Variants in KDR observed in about 807,000 individuals in gnomAD.
KDR encodes vascular endothelial growth factor receptor 2.
In KDR, 43 loss-of-function variants were observed where a neutral mutation model predicts 160.9. That is an observed-to-expected ratio of 0.27 (90% confidence interval 0.21 to 0.34). KDR has a LOEUF of 0.34. Among genes scored for constraint, KDR ranks in the 10% least tolerant of loss-of-function variants. The pLI, the probability that KDR is intolerant of heterozygous loss-of-function variation, is 1.00. For synonymous variants in KDR, 617 were observed against 600.1 expected, an observed-to-expected ratio of 1.03 and a Z score of -0.41; for missense variants, 1,469 against 1,666.4, an observed-to-expected ratio of 0.88 and a Z score of 2.06.
intron 27 of KDR, 72 bp downstream of exon 27, chr4:55,087,535 C>T (rs528559143): frequency 2.1e-6 from 3 of 1,407,126 alleles, no homozygotes; most frequent in South Asian, 2.4e-5. Context: ...GTCTTCCTTC[C>T]ACTTCCAATC....
chr4:55,099,796 T>C (rs1461234164), intron 15 of KDR, among the ~76,000 whole-genome samples: 1 of 152,142 alleles, frequency 6.6e-6, no homozygotes, highest in African/African-American at 2.4e-5. Context: ...AGTCAAGAGA[T>C]AAAGAGGCCT....
chr4:55,089,448 CT>C lies in KDR; in HGVS notation c.3329del (p.Lys1110ArgfsTer10). 6.2e-7 allele frequency: 1 copy of C among 1,613,024 alleles called. No homozygotes were observed. Among genetic ancestry groups the C allele is most frequent in the Non-Finnish European group, 8.5e-7 (1 of 1,179,276 alleles). ...SLGASPYPGVKIDEEFCRRLK... is the reference protein window; with the variant it reads ...SLGASPYPGVXIDEEFCRRLK... ...ATCGCCTACAAAATTCTTCATCAAT[CT>C]TTACCCCAGGATATGGAGAAGCACC... On this transcript the variant is annotated frameshift_variant, in exon 25 of 30. Transcript: ENST00000263923. LOFTEE classifies it high-confidence loss of function.
intron 2 of KDR, 32 bp from the exon 3 acceptor site, chr4:55,118,832 T>C: frequency 6.4e-7 from 1 of 1,564,422 alleles, no homozygotes; most frequent in South Asian, 1.1e-5. Context: ...GGTATTAATA[T>C]GAAGTGCCAG....
At chr4:55,098,439 C>A (rs1395003042) in intron 16 of KDR, among the ~76,000 whole-genome samples, 167 bp from the exon 17 acceptor site, 1 of 152,078 alleles carries the variant, frequency 6.6e-6, no homozygotes, top group Non-Finnish European at 1.5e-5. Context: ...TTCCCTTGTC[C>A]CCCAAAGGAG....
chr4:55,117,452 G>A (rs541272747), intron 3 of KDR, among the ~76,000 whole-genome samples: 8 of 152,314 alleles, frequency 5.3e-5, no homozygotes, highest in African/African-American at 1.9e-4. Flanking sequence ...ATCTTGTGGA[G>A]GGAAGGAGGA....
chr4:55,091,239 C>T (rs992279012), intron 22 of KDR, among the ~76,000 whole-genome samples: 25 of 152,178 alleles, frequency 1.6e-4, no homozygotes, highest in African/African-American at 5.1e-4. Context: ...GTATGGCACT[C>T]TCCTCTGAAC....
At chr4:55,083,791 G>A (rs1719793485) in intron 27 of KDR, among the ~76,000 whole-genome samples, 1 of 152,198 alleles carries the variant, frequency 6.6e-6, no homozygotes, top group South Asian at 2.1e-4. Flanking sequence ...TACCCCAAGA[G>A]GCTGGTTCCT....
At chr4:55,098,826 G>C (rs2110018334) in intron 15 of KDR, 23 bp from the exon 16 acceptor site, 1 of 1,510,892 alleles carries the variant, frequency 6.6e-7, no homozygotes, top group Non-Finnish European at 9.2e-7. Flanking sequence ...AATTGAATGA[G>C]TATCAACAGT....
chr4:55,106,116 C>T (rs994942662), intron 11 of KDR, among the ~76,000 whole-genome samples, 176 bp from the exon 12 acceptor site: 1 of 152,060 alleles, frequency 6.6e-6, no homozygotes, highest in African/African-American at 2.4e-5. Flanking sequence ...ACTCAAAACG[C>T]TTGGGACCAA....
At chr4:55,092,507 A>C in intron 22 of KDR, 110 bp downstream of exon 22, 1 of 795,302 alleles carries the variant, frequency 1.3e-6, no homozygotes. Flanking sequence ...AAGACGTAGA[A>C]GTGGTGAATG....
In KDR at chr4:55,116,220, C is replaced by G. The variant is rs1002103920; in HGVS notation, c.359-809G>C. 3.3e-5 allele frequency among the ~76,000 whole-genome samples: 5 copies of G among 152,106 alleles called. No individual in the cohort carries two copies. In the East Asian group the frequency reaches 9.7e-4, roughly 29 times the overall value. ...TCACTTGAGGTCAGGAGTTTGAGAC[C>G]AGCCTGACCAACGTGGCAAAACCCC... On this transcript the variant is annotated intron_variant, in intron 3 of 29. Coordinates refer to ENST00000263923, the MANE Select transcript of KDR (RefSeq NM_002253.4).
At chr4:55,111,967 T>TA (rs1720595766) in intron 7 of KDR, among the ~76,000 whole-genome samples, 1 of 152,254 alleles carries the variant, frequency 6.6e-6, no homozygotes, top group South Asian at 2.1e-4. Context: ...AAGGTATTTT[T>TA]AAAATTTCAC....
At chr4:55,115,192 C>T in intron 4 of KDR, 89 bp downstream of exon 4, 1 of 1,303,906 alleles carries the variant, frequency 7.7e-7, no homozygotes, top group Non-Finnish European at 1.1e-6. Flanking sequence ...CCTTAAAACT[C>T]ATTGTGAATA....
intron 19 of KDR, 88 bp from the exon 20 acceptor site, chr4:55,095,753 T>C (rs1340384306): frequency 6.7e-6 from 6 of 895,878 alleles, no homozygotes; most frequent in Non-Finnish European, 3.7e-6. Context: ...CAAAAACACC[T>C]TAGAAGAAGG....
At chr4:55,098,587 G>A (rs1051544964) in intron 16 of KDR, 110 bp downstream of exon 16, 12 of 833,410 alleles carry the variant, frequency 1.4e-5, no homozygotes, top group African/African-American at 6.7e-5. Flanking sequence ...AAATAAAAAT[G>A]TGCCCATTGA....
intron 14 of KDR, 118 bp from the exon 15 acceptor site, chr4:55,102,146 A>T: frequency 6.9e-7 from 1 of 1,456,796 alleles, no homozygotes; most frequent in Non-Finnish European, 9.5e-7. Context: ...CTAACTCTGT[A>T]GAGTCACATG....
rs756670625 is a variant in KDR, at chr4:55,080,151, G to A, written c.3861C>T (p.Pro1287=). Reference sequence around the variant, plus strand: ...ATGCCACAGACTCCCTGCTTTTGCTGGGCACCATTCCACTGCAGAAGAAAT... The same window carrying A: ...ATGCCACAGACTCCCTGCTTTTGCTAGGCACCATTCCACTGCAGAAGAAAT... The part of the protein sequence containing the change: ...KLSPSFGGMV[P]SKSRESVASE... The change falls in exon 30 of 30, where the codon CCC becomes CCT. Residue 1287 remains proline (P), a synonymous_variant. Transcript: ENST00000263923. 6 of 1,613,196 alleles carry A rather than the reference G, an allele frequency of 3.7e-6. No homozygotes were observed. In the Admixed American group the frequency reaches 5.0e-5, roughly 13 times the overall value.
At chr4:55,107,671 A>G in intron 10 of KDR, 66 bp downstream of exon 10, 1 of 1,603,636 alleles carries the variant, frequency 6.2e-7, no homozygotes, top group Non-Finnish European at 8.5e-7. Flanking sequence ...GGATGGAGTC[A>G]TATCATAGCT....
At position 55,090,094 on chromosome 4, in the gene KDR, T is replaced by C; in HGVS notation, c.3070-16A>G. The C allele has an allele frequency of 1.9e-6, 3 of 1,613,806 alleles. No individual in the cohort carries two copies. Among genetic ancestry groups the C allele is most frequent in the East Asian group, 2.2e-5 (1 of 44,868 alleles). ...TGTGGATACACTGCAAAGAGAATCA[T>C]GTGTGCATTAGGTCTCGGCACAGCT... On this transcript the variant is annotated splice_polypyrimidine_tract_variant and intron_variant, in intron 22 of 29. Transcript: ENST00000263923.
Sources: gnomAD v4.1 joint callset for allele counts (sites outside exome capture counted in the v4.1 genomes callset) on GRCh38, gnomAD v4.1.1 for gene constraint, MANE v1.5 for transcripts, NCBI Gene and HGNC (gene_info 2026-07-23, HGNC 2026-07-21) for gene names.